The following REEP1 variants were observed in gnomAD, a reference collection of about 807,000 sequenced individuals.
The protein encoded by REEP1 is receptor expression-enhancing protein 1.
Under a neutral mutation model 40.3 loss-of-function variants are expected in REEP1, and 22 were observed. That is an observed-to-expected ratio of 0.55 (90% confidence interval 0.39 to 0.78). The LOEUF (loss-of-function observed/expected upper bound fraction) is 0.78, where lower values mean the gene tolerates loss of function less well. Among genes scored for constraint, REEP1 ranks in the 30% least tolerant of loss-of-function variants. REEP1 has a pLI of 0.00. For missense variants in REEP1, 280 were observed against 361.1 expected (o/e 0.78, Z 1.82); for synonymous variants, 116 against 139.2 (o/e 0.83, Z 1.17).
intron 2 of REEP1, among the ~76,000 whole-genome samples, chr2:86,265,859 TTAC>T (rs1677106165): frequency 6.6e-6 from 1 of 152,116 alleles, no homozygotes; most frequent in Non-Finnish European, 1.5e-5. Flanking sequence ...TGGGTGATGG[TTAC>T]ACTAAAAGCC....
chr2:86,223,082 G>A (rs1389883871), intron 7 of REEP1, among the ~76,000 whole-genome samples: 1 of 152,246 alleles, frequency 6.6e-6, no homozygotes, highest in Admixed American at 6.5e-5. Context: ...AACCTCAGGT[G>A]ATGGTGGCCA....
intron 2 of REEP1, among the ~76,000 whole-genome samples, chr2:86,264,777 C>T (rs1677053623): frequency 6.6e-6 from 1 of 152,144 alleles, no homozygotes; most frequent in East Asian, 1.9e-4. Context: ...CAAAATATTT[C>T]AAAACAACTG....
rs372182665 is a variant in REEP1 at position 86,257,912 on chromosome 2, G to A, written c.183-3098C>T. Among the ~76,000 whole-genome samples, 19 of 152,268 alleles carry A rather than the reference G, an allele frequency of 1.2e-4. No individual in the cohort carries two copies. The South Asian group carries it at 1.5e-3, about 12-fold the overall frequency. ...CCTGGGATTACAAGCATGAGCCACCGCGCCCGGCCTATCTCACTCATCTTA... is the reference window on the plus strand; with the variant it reads ...CCTGGGATTACAAGCATGAGCCACCACGCCCGGCCTATCTCACTCATCTTA... On this transcript the variant is annotated intron_variant, in intron 3 of 8. Coordinates refer to ENST00000538924, the MANE Select transcript of REEP1 (RefSeq NM_001371279.1).
intron 5 of REEP1, among the ~76,000 whole-genome samples, chr2:86,238,843 G>T (rs921200270): frequency 3.9e-5 from 6 of 152,152 alleles, no homozygotes. Context: ...TCACCACTGA[G>T]AGCGGCCACT....
chr2:86,215,504 C>G lies in REEP1; in HGVS notation c.*1535G>C, dbSNP rs1240200405. The stretch of plus-strand genomic sequence containing the variant: ...TTCTATATGGTATATAACACTAATT[C>G]TCTAGTCTTCTGGGCATATCTACGA... On this transcript the variant is annotated 3_prime_UTR_variant, in exon 9 of 9. Transcript: ENST00000538924. The G allele has an allele frequency of 6.6e-6, 1 of 152,580 alleles. No homozygotes were observed. The highest frequency in any genetic ancestry group is 1.5e-5 in the Non-Finnish European group (1 of 68,034). 9.5% of individuals were successfully genotyped at this position (152,580 alleles called of 1,614,324 possible).
At chr2:86,220,280 G>C in intron 7 of REEP1, 159 bp from the exon 8 acceptor site, 1 of 422,940 alleles carries the variant, frequency 2.4e-6, no homozygotes, top group Non-Finnish European at 4.0e-6. Flanking sequence ...GATGTTTTGG[G>C]GGCCTCCTTA....
chr2:86,217,729 A>G (rs1452784974), intron 8 of REEP1, among the ~76,000 whole-genome samples: 2 of 140,642 alleles, frequency 1.4e-5, no homozygotes, highest in African/African-American at 2.6e-5. Flanking sequence ...GAGCACCCCA[A>G]TCTGAAAATC....
chr2:86,310,913 C>T (rs972138849), intron 1 of REEP1, among the ~76,000 whole-genome samples: 6 of 152,232 alleles, frequency 3.9e-5, no homozygotes, highest in African/African-American at 1.4e-4. Flanking sequence ...ACACATGATA[C>T]CTCTGGACAG....
rs139806812 is a variant in REEP1, at chr2:86,232,734, G to A, written c.486C>T (p.Asp162=). The A allele has an allele frequency of 7.3e-4, 1,176 of 1,608,506 alleles. 5 individuals are homozygous for A. In the African/African-American group the frequency reaches 0.013, roughly 18 times the overall value. The change falls in exon 6 of 9, where the codon GAC becomes GAT. Residue 162 remains aspartate, a synonymous_variant. Transcript: ENST00000538924. The stretch of plus-strand genomic sequence containing the variant: ...GGGGGCCCGAGGGAGCAGGGGCGCC[G>A]TCTCCCCTGATGGTGGTGAGGTCCT... ...SMQDLTTIRG[D]GAPAPSGPPP...
In REEP1 at chr2:86,254,870, T is replaced by A; in HGVS notation, c.183-56A>T. 6.9e-6 allele frequency: 11 copies of A among 1,601,898 alleles called. No individual in the cohort carries two copies. The South Asian group carries it at 7.7e-5, about 11-fold the overall frequency. On this transcript the variant is annotated intron_variant, in intron 3 of 8. Coordinates refer to ENST00000538924, the MANE Select transcript of REEP1 (RefSeq NM_001371279.1). ...TTAGGTTCTCAGCAACACTGCCCTT[T>A]TGAAGGATGAGACCCGGTGGGTGGC...
chr2:86,309,108 C>T, intron 1 of REEP1, among the ~76,000 whole-genome samples: 1 of 152,188 alleles, frequency 6.6e-6, no homozygotes, highest in East Asian at 1.9e-4. Context: ...CACCTTTGGC[C>T]TAGTTAAAAA....
chr2:86,255,568 C>T (rs370320469), intron 3 of REEP1, among the ~76,000 whole-genome samples: 22 of 152,202 alleles, frequency 1.4e-4, no homozygotes, highest in African/African-American at 4.8e-4. Context: ...GTACTGAGCA[C>T]CAGGTATAAG....
chr2:86,247,262 T>C (rs1307808632), intron 5 of REEP1, among the ~76,000 whole-genome samples: 8 of 152,162 alleles, frequency 5.3e-5, no homozygotes. Context: ...CAAAGAAAGA[T>C]GCATCAACAC....
chr2:86,330,763 A>G lies in REEP1; in HGVS notation c.32+6716T>C, dbSNP rs1031018530. 3.3e-5 allele frequency among the ~76,000 whole-genome samples: 5 copies of G among 152,234 alleles called. No individual in the cohort carries two copies. The East Asian group carries it at 9.7e-4, about 29-fold the overall frequency. ...CCCAGCCAGAATCCTGATGTCTTAT[A>G]ACGATAAGACAAAGGAAATCCAGTC... is the stretch of plus-strand genomic sequence containing the variant. On this transcript the variant is annotated intron_variant, in intron 1 of 8. Coordinates refer to ENST00000538924, the MANE Select transcript of REEP1 (RefSeq NM_001371279.1).
Position 86,252,034 on chromosome 2 carries a change from T to C in REEP1, c.340A>G (p.Ser114Gly), listed in dbSNP as rs1249811179. The C allele has an allele frequency of 6.2e-7, 1 of 1,614,076 alleles. No individual in the cohort carries two copies. The highest frequency in any genetic ancestry group is 8.5e-7 in the Non-Finnish European group (1 of 1,179,984). The change falls in exon 5 of 9, where the codon AGT becomes GGT. Residue 114 changes from serine (S) to glycine (G), a missense_variant. By Grantham distance (56) the Ser-to-Gly change is moderately conservative. This residue lies in a region of REEP1 where 201 missense variants were observed against 238.5 expected (regional missense o/e 0.84). Transcript: ENST00000538924. ...DDCLVQAKDR[S>G]YDALVHFGKR... Reference sequence around the variant, plus strand: ...CCGAAGTGCACAAGGGCATCGTAACTTCGGTCTTTTGCTTGGACCAGACAA... The same window carrying C: ...CCGAAGTGCACAAGGGCATCGTAACCTCGGTCTTTTGCTTGGACCAGACAA...
intron 2 of REEP1, among the ~76,000 whole-genome samples, chr2:86,274,364 G>A (rs1677625557): frequency 6.6e-6 from 1 of 152,192 alleles, no homozygotes; most frequent in East Asian, 1.9e-4. Context: ...GCTATGGACA[G>A]AGATGCTGCA....
rs1674072097 is a variant in REEP1 at position 86,215,664 on chromosome 2, C to G, written c.*1375G>C. ...AGCTCTCAGTGGGGAGAGCAGCTAC[C>G]TCGGACCACAATGCCATTTAAACCA... On this transcript the variant is annotated 3_prime_UTR_variant, in exon 9 of 9. Coordinates refer to ENST00000538924, the MANE Select transcript of REEP1 (RefSeq NM_001371279.1). 6.6e-6 allele frequency: 1 copy of G among 152,596 alleles called. No individual in the cohort carries two copies. Among genetic ancestry groups the G allele is most frequent in the African/African-American group, 2.4e-5 (1 of 41,426 alleles). 9.5% of individuals were successfully genotyped at this position (152,596 alleles called of 1,614,324 possible).
At chr2:86,280,794 G>T (rs937828840) in intron 2 of REEP1, among the ~76,000 whole-genome samples, 2 of 152,134 alleles carry the variant, frequency 1.3e-5, no homozygotes, top group Non-Finnish European at 2.9e-5. Flanking sequence ...GGGGTGGGGT[G>T]GGGGGTGAGT....
intron 1 of REEP1, among the ~76,000 whole-genome samples, chr2:86,286,039 C>A (rs1678375942): frequency 6.6e-6 from 1 of 152,110 alleles, no homozygotes; most frequent in South Asian, 2.1e-4. Context: ...CTTCCCCCCA[C>A]TGTCATTAAC....
Sources: allele counts gnomAD v4.1 joint callset (sites outside exome capture counted in the v4.1 genomes callset), GRCh38; gene constraint gnomAD v4.1.1; regional missense constraint gnomAD v4.1.1; transcripts MANE v1.5; gene names NCBI Gene and HGNC (gene_info 2026-07-23, HGNC 2026-07-21).